IPCEF1: variants seen among roughly 807,000 people sequenced by gnomAD.
IPCEF1 encodes the protein interaction protein for cytohesin exchange factors 1, also known as interactor protein for cytohesin exchange factors 1.
A neutral mutation model predicts 50.9 loss-of-function variants in IPCEF1; 31 were observed. The observed-to-expected ratio is 0.61, with a 90% confidence interval of 0.46 to 0.82. The LOEUF (loss-of-function observed/expected upper bound fraction) is 0.82, where lower values mean the gene tolerates loss of function less well. Ranked by LOEUF, IPCEF1 falls within the 40% of genes least tolerant of loss-of-function variation. The probability of loss-of-function intolerance (pLI) is 0.00; values close to 1 mark genes in which losing one functional copy is unlikely to be tolerated. For synonymous variants in IPCEF1, 181 were observed against 192.0 expected, an observed-to-expected ratio of 0.94 and a Z score of 0.47; for missense variants, 458 against 514.0, an observed-to-expected ratio of 0.89 and a Z score of 1.05.
chr6:154,337,526 G>A (rs976181391), intron 1 of IPCEF1, among the ~76,000 whole-genome samples: 5 of 152,216 alleles, frequency 3.3e-5, no homozygotes, highest in Non-Finnish European at 5.9e-5. Context: ...CAGGAGACAA[G>A]ACACAAGTTA....
chr6:154,353,381 G>A (rs963043789), intron 1 of IPCEF1, among the ~76,000 whole-genome samples: 1 of 142,718 alleles, frequency 7.0e-6, no homozygotes, highest in Non-Finnish European at 1.5e-5. Flanking sequence ...TGCGCCTCCC[G>A]GATTCAAGTG....
In IPCEF1 at chr6:154,203,693, T is replaced by C. The variant is rs1777255636; in HGVS notation, c.538-3653A>G. On this transcript the variant is annotated intron_variant, in intron 9 of 11. Coordinates refer to ENST00000367220, the MANE Select transcript of IPCEF1 (RefSeq NM_001130700.2). ...GGGATGACTGGATTGCAACTACTGATTGACTCTTCATCTTTTTGATGAGCT... is the reference window on the plus strand; with the variant it reads ...GGGATGACTGGATTGCAACTACTGACTGACTCTTCATCTTTTTGATGAGCT... 1.3e-5 allele frequency among the ~76,000 whole-genome samples: 2 copies of C among 152,176 alleles called. 1 individual carries two copies. Among genetic ancestry groups the C allele is most frequent in the South Asian group, 4.1e-4 (2 of 4,824 alleles).
At chr6:154,252,011 C>T (rs7750140) in intron 3 of IPCEF1, among the ~76,000 whole-genome samples, 128,717 of 152,170 alleles carry the variant, frequency 0.85, 55,279 homozygotes, top group African/African-American at 0.89. Context: ...GATACTGAGT[C>T]TGATAAACAT....
At chr6:154,278,606 A>G (rs1213524662) in intron 2 of IPCEF1, among the ~76,000 whole-genome samples, 1 of 152,214 alleles carries the variant, frequency 6.6e-6, no homozygotes, top group African/African-American at 2.4e-5. Flanking sequence ...TTATTCCTAC[A>G]TCACATGCTT....
chr6:154,191,003 C>T (rs1801830891), intron 10 of IPCEF1, among the ~76,000 whole-genome samples: 1 of 151,980 alleles, frequency 6.6e-6, no homozygotes, highest in African/African-American at 2.4e-5. Context: ...TTTCACTGAG[C>T]CGAGATCGCG....
intron 10 of IPCEF1, among the ~76,000 whole-genome samples, chr6:154,179,499 GC>G (rs1012419016): frequency 6.6e-6 from 1 of 151,876 alleles, no homozygotes; most frequent in Non-Finnish European, 1.5e-5. Flanking sequence ...AATTATTTCC[GC>G]CCCCCCTTAT....
intron 9 of IPCEF1, among the ~76,000 whole-genome samples, chr6:154,201,995 A>G (rs1285904670): frequency 6.6e-6 from 1 of 152,230 alleles, no homozygotes; most frequent in East Asian, 1.9e-4. Context: ...AAACCCTCAG[A>G]ATCATTGCAA....
At chr6:154,320,939 TTTG>T (rs1783357405) in intron 1 of IPCEF1, among the ~76,000 whole-genome samples, 1 of 152,176 alleles carries the variant, frequency 6.6e-6, no homozygotes, top group Non-Finnish European at 1.5e-5. Flanking sequence ...TGAATTCTTT[TTTG>T]TTGTTGTTGC....
Position 154,168,206 on chromosome 6 carries a change from A to C in IPCEF1, c.911-93T>G. On this transcript the variant is annotated intron_variant, in intron 10 of 11. Coordinates refer to ENST00000367220, the MANE Select transcript of IPCEF1 (RefSeq NM_001130700.2). This position sits in a 1 kb window ranked among gnomAD's most constrained non-coding sequence, Gnocchi z 4.1. ...TACTGTGGTCCCAAGGCACGGCCCC[A>C]CTGGCACCCTCATCTCAGACTTCTC... 1.2e-6 allele frequency: 1 copy of C among 860,758 alleles called. No homozygotes were observed. Among genetic ancestry groups the C allele is most frequent in the Non-Finnish European group, 1.7e-6 (1 of 573,656 alleles). The allele number at this position is 860,758 out of a possible 1,614,324, so 53.3% of individuals were successfully genotyped here.
intron 7 of IPCEF1, among the ~76,000 whole-genome samples, chr6:154,215,854 C>T (rs1035176920): frequency 6.6e-6 from 1 of 151,982 alleles, no homozygotes; most frequent in African/African-American, 2.4e-5. Context: ...AATCAAATAG[C>T]TAGACAATAT....
chr6:154,192,852 G>A (rs531001590), intron 10 of IPCEF1, among the ~76,000 whole-genome samples: 115 of 152,132 alleles, frequency 7.6e-4, no homozygotes, highest in African/African-American at 2.7e-3. Flanking sequence ...AAGAATGTCC[G>A]TAACTAAAAA....
intron 7 of IPCEF1, among the ~76,000 whole-genome samples, chr6:154,219,577 C>T (rs1270047188): frequency 6.6e-6 from 1 of 152,062 alleles, no homozygotes; most frequent in Non-Finnish European, 1.5e-5. Context: ...CTTGTGCCTT[C>T]CACATCCCAC....
chr6:154,283,265 T>C (rs183339576), intron 2 of IPCEF1, among the ~76,000 whole-genome samples: 1 of 105,272 alleles, frequency 9.5e-6, no homozygotes, highest in Admixed American at 1.4e-4. Context: ...CACTCCAGCC[T>C]GGGGCACAAG....
In IPCEF1 at chr6:154,179,293, T is replaced by A. The variant is rs192916759; in HGVS notation, c.911-11180A>T. Among the ~76,000 whole-genome samples, 218 of 152,364 alleles carry A rather than the reference T, an allele frequency of 1.4e-3. 1 individual carries two copies. The highest frequency in any genetic ancestry group is 1.9e-3 in the Non-Finnish European group (130 of 68,040). On this transcript the variant is annotated intron_variant, in intron 10 of 11. Coordinates refer to ENST00000367220, the MANE Select transcript of IPCEF1 (RefSeq NM_001130700.2). The stretch of plus-strand genomic sequence containing the variant: ...TGTCAAACCTTTCTGGCTACCCTTG[T>A]ACCTCCAAGAGGCTTTTCAGTAAAG...
At chr6:154,283,571 C>T (rs1360429293) in intron 2 of IPCEF1, among the ~76,000 whole-genome samples, 3 of 151,946 alleles carry the variant, frequency 2.0e-5, no homozygotes, top group Admixed American at 6.6e-5. Flanking sequence ...GCACTCCAGC[C>T]TGGGTGACAG....
intron 10 of IPCEF1, among the ~76,000 whole-genome samples, chr6:154,192,267 A>C (rs1801955868): frequency 6.6e-6 from 1 of 151,072 alleles, no homozygotes. Flanking sequence ...CCTCACAAGT[A>C]ATTTGCTGGC....
At chr6:154,241,683 C>T (rs764371725) in intron 5 of IPCEF1, among the ~76,000 whole-genome samples, 1 of 152,188 alleles carries the variant, frequency 6.6e-6, no homozygotes, top group Non-Finnish European at 1.5e-5. Context: ...TGAACGCCTG[C>T]ATTTTCTCAC....
chr6:154,280,168 T>G (rs959990069), intron 2 of IPCEF1, among the ~76,000 whole-genome samples: 1 of 152,274 alleles, frequency 6.6e-6, no homozygotes, highest in African/African-American at 2.4e-5. Flanking sequence ...GCATAGTCTA[T>G]GCCCACAACC....
At chr6:154,344,563 C>T (rs1783986548) in intron 1 of IPCEF1, among the ~76,000 whole-genome samples, 1 of 152,136 alleles carries the variant, frequency 6.6e-6, no homozygotes, top group African/African-American at 2.4e-5. Context: ...TAGCAACTGG[C>T]AGCATAAAGA....
Sources: allele counts gnomAD v4.1 joint callset (sites outside exome capture counted in the v4.1 genomes callset), GRCh38; gene constraint gnomAD v4.1.1; non-coding constraint Gnocchi (gnomAD v3.1); transcripts MANE v1.5; gene names NCBI Gene and HGNC (gene_info 2026-07-23, HGNC 2026-07-21).